Variants in LRMDA observed in about 807,000 individuals in gnomAD.
LRMDA encodes the protein leucine-rich melanocyte differentiation-associated protein.
A neutral mutation model predicts 29.8 loss-of-function variants in LRMDA; 18 were observed. The observed-to-expected ratio is 0.60, with a 90% CI of 0.42 to 0.90. The LOEUF is 0.90. Ranked by LOEUF, LRMDA falls within the 40% of genes least tolerant of loss-of-function variation. The probability of loss-of-function intolerance (pLI) is 0.00; values close to 1 mark genes in which losing one functional copy is unlikely to be tolerated. For missense variants in LRMDA, 273 were observed against 273.9 expected, an observed-to-expected ratio of 1.00 and a Z score of 0.02; for synonymous variants, 125 against 109.4, an observed-to-expected ratio of 1.14 and a Z score of -0.89.
chr10:76,495,439 G>A (rs1027270105), intron 6 of LRMDA, among the ~76,000 whole-genome samples: 2 of 151,658 alleles, frequency 1.3e-5, no homozygotes, highest in Non-Finnish European at 3.0e-5. Flanking sequence ...ATGACATTGA[G>A]GAGAGAGATT....
At chr10:75,739,826 G>A (rs895992756) in intron 2 of LRMDA, among the ~76,000 whole-genome samples, 1 of 152,148 alleles carries the variant, frequency 6.6e-6, no homozygotes, top group African/African-American at 2.4e-5. Context: ...TGTGCCTTCT[G>A]TAGCATTTTT....
At chr10:75,772,488 A>G (rs1340121525) in intron 2 of LRMDA, among the ~76,000 whole-genome samples, 2 of 152,194 alleles carry the variant, frequency 1.3e-5, no homozygotes, top group East Asian at 3.9e-4. Flanking sequence ...GGCTTATGTA[A>G]CATTTGACCA....
At chr10:75,460,291 A>C (rs1844570007) in intron 2 of LRMDA, among the ~76,000 whole-genome samples, 2 of 152,210 alleles carry the variant, frequency 1.3e-5, no homozygotes, top group African/African-American at 4.8e-5. Flanking sequence ...AATTTGGTGT[A>C]GTATGTCTTT....
intron 2 of LRMDA, among the ~76,000 whole-genome samples, chr10:75,473,112 A>G (rs1473188538): frequency 6.6e-6 from 1 of 152,216 alleles, no homozygotes; most frequent in Non-Finnish European, 1.5e-5. Flanking sequence ...TTTTGACACC[A>G]GATTGTTTGG....
At chr10:75,531,847 A>C (rs952746267) in intron 2 of LRMDA, among the ~76,000 whole-genome samples, 21 of 151,882 alleles carry the variant, frequency 1.4e-4, no homozygotes, top group African/African-American at 5.1e-4. Context: ...GCTGAGGCAG[A>C]AGAGTCACTT....
At chr10:75,631,411 C>CG (rs1554817024) in intron 2 of LRMDA, among the ~76,000 whole-genome samples, 2 of 151,528 alleles carry the variant, frequency 1.3e-5, no homozygotes, top group African/African-American at 4.9e-5. Flanking sequence ...GCACCCCCCC[C>CG]GCCCCGCCAC....
chr10:76,426,856 G>T (rs938637090), intron 6 of LRMDA, among the ~76,000 whole-genome samples: 3 of 152,174 alleles, frequency 2.0e-5, no homozygotes, highest in Non-Finnish European at 2.9e-5. Context: ...TTGTTAAATA[G>T]GGAATCCTTT....
intron 5 of LRMDA, among the ~76,000 whole-genome samples, chr10:76,239,160 CTAGA>C (rs980292523): frequency 1.4e-4 from 21 of 152,042 alleles, no homozygotes; most frequent in Non-Finnish European, 2.5e-4. Context: ...GGTTCACTCC[CTAGA>C]TAGTCAATTT....
intron 5 of LRMDA, among the ~76,000 whole-genome samples, chr10:76,188,930 G>A (rs1180732543): frequency 1.6e-5 from 2 of 127,130 alleles, no homozygotes; most frequent in Non-Finnish European, 1.5e-5. Context: ...GCGAATGATT[G>A]CATGTACACA....
At chr10:76,075,511 T>C (rs954941279) in intron 5 of LRMDA, among the ~76,000 whole-genome samples, 1 of 152,252 alleles carries the variant, frequency 6.6e-6, no homozygotes, top group Non-Finnish European at 1.5e-5. Flanking sequence ...TGATATTTTG[T>C]ATTTCAGCCC....
chr10:76,557,270 C>G lies in LRMDA; in HGVS notation c.663C>G (p.Ile221Met), dbSNP rs1156503928. 1.2e-6 allele frequency: 2 copies of G among 1,613,958 alleles called. No individual in the cohort carries two copies. Among genetic ancestry groups the G allele is most frequent in the Admixed American group, 3.3e-5 (2 of 60,016 alleles). Residue 221 changes from isoleucine to methionine, a missense_variant, in exon 7 of 7, where the codon ATC (isoleucine) becomes ATG (methionine). Transcript: ENST00000611255. The stretch of plus-strand genomic sequence containing the variant: ...AAAACTCAGAGGGCAACAGGTTTAT[C>G]CGAGATGACCAGCTCTGAAGCCAAC... ...YGKNSEGNRFIRDDQL is the reference protein window; with the variant it reads ...YGKNSEGNRFMRDDQL
intron 5 of LRMDA, among the ~76,000 whole-genome samples, chr10:76,077,992 A>ATAT (rs1848986604): frequency 2.1e-5 from 1 of 48,048 alleles, no homozygotes; most frequent in Non-Finnish European, 3.6e-5. Flanking sequence ...CAATATTAAC[A>ATAT]TTTTTTTTTT....
intron 2 of LRMDA, among the ~76,000 whole-genome samples, chr10:75,495,210 A>G (rs900019450): frequency 2.0e-5 from 3 of 151,752 alleles, no homozygotes; most frequent in Non-Finnish European, 2.9e-5. Context: ...TCATTCATCT[A>G]TTGTATCCTG....
intron 2 of LRMDA, among the ~76,000 whole-genome samples, chr10:75,493,985 C>A (rs1182470944): frequency 6.6e-6 from 1 of 151,970 alleles, no homozygotes; most frequent in Non-Finnish European, 1.5e-5. Context: ...AACTCCTGGG[C>A]TCAAGTGATC....
intron 2 of LRMDA, among the ~76,000 whole-genome samples, chr10:75,858,052 G>T (rs1288664240): frequency 1.3e-5 from 2 of 152,206 alleles, no homozygotes; most frequent in African/African-American, 2.4e-5. Flanking sequence ...ATGGAAGAAG[G>T]GTCCCGAGTG....
intron 5 of LRMDA, among the ~76,000 whole-genome samples, chr10:76,265,424 T>G (rs1839994078): frequency 1.3e-5 from 2 of 152,196 alleles, no homozygotes; most frequent in Non-Finnish European, 2.9e-5. Context: ...ATAGAGCTGC[T>G]TCTTTTCAGG....
rs1183989010 is a variant in LRMDA at position 75,578,215 on chromosome 10, C to CAAAAAAAAAAAAAAAAA, written c.131+139729_131+139745dup. 2.7e-3 allele frequency among the ~76,000 whole-genome samples: 38 copies of CAAAAAAAAAAAAAAAAA among 14,220 alleles called. 8 individuals carry two copies. The highest frequency in any genetic ancestry group is 4.6e-3 in the Non-Finnish European group (27 of 5,884). 9.3% of individuals were successfully genotyped at this position (14,220 alleles called of 152,430 possible). ...GTATATTTACCAAGCAAATGGAAAGCAAAAAAAAAAAAAAAAAAAAAAAAG... is the reference window on the plus strand; with the variant it reads ...GTATATTTACCAAGCAAATGGAAAGCAAAAAAAAAAAAAAAAAAAAAAAAAAAAAAAAAAAAAAAAAG... On this transcript the variant is annotated intron_variant, in intron 2 of 6. Coordinates refer to ENST00000611255, the MANE Select transcript of LRMDA (RefSeq NM_001305581.2).
At chr10:75,501,759 A>G (rs539090237) in intron 2 of LRMDA, among the ~76,000 whole-genome samples, 37 of 152,344 alleles carry the variant, frequency 2.4e-4, no homozygotes, top group African/African-American at 8.9e-4. Context: ...GTCAGGGAAG[A>G]TATTGCTATT....
intron 2 of LRMDA, among the ~76,000 whole-genome samples, chr10:75,891,457 C>T (rs1305884354): frequency 6.6e-6 from 1 of 150,728 alleles, no homozygotes; most frequent in East Asian, 1.9e-4. Flanking sequence ...GGTAACAGCA[C>T]ACACAAAGCC....
Sources: gnomAD v4.1 joint callset for allele counts (sites outside exome capture counted in the v4.1 genomes callset) on GRCh38, gnomAD v4.1.1 for gene constraint, MANE v1.5 for transcripts, NCBI Gene and HGNC (gene_info 2026-07-23, HGNC 2026-07-21) for gene names.